The following ALK variants were observed in gnomAD, a reference collection of about 807,000 sequenced individuals.
The protein encoded by ALK is ALK tyrosine kinase receptor.
In ALK, 74 loss-of-function variants were observed where a neutral mutation model predicts 163.1. The ratio of observed to expected loss-of-function variants is 0.45; its 90% CI spans 0.38 to 0.55. The LOEUF is 0.55. Ranked by LOEUF, ALK falls within the 20% of genes least tolerant of loss-of-function variation. The pLI, the probability that ALK is intolerant of heterozygous loss-of-function variation, is 0.00. For missense variants in ALK, 2,063 were observed against 2,105.3 expected (o/e 0.98, Z 0.39); for synonymous variants, 960 against 843.2 (o/e 1.14, Z -2.40).
chr2:29,652,161 T>A (rs1293184692), intron 3 of ALK, among the ~76,000 whole-genome samples: 7 of 152,118 alleles, frequency 4.6e-5, no homozygotes, highest in African/African-American at 1.7e-4. Context: ...TTCATCTATA[T>A]TTTTTTAAAA....
chr2:29,486,019 C>T (rs149507459), intron 4 of ALK, among the ~76,000 whole-genome samples: 6 of 152,292 alleles, frequency 3.9e-5, no homozygotes, highest in South Asian at 2.1e-4. Context: ...CTGCTTCCCG[C>T]CCCAGAGCTC....
intron 3 of ALK, among the ~76,000 whole-genome samples, chr2:29,601,906 G>A (rs934562777): frequency 6.6e-6 from 1 of 152,018 alleles, no homozygotes; most frequent in Non-Finnish European, 1.5e-5. Context: ...TGTTCAAGCT[G>A]GACAGAGATA....
chr2:29,314,188 T>C (rs1666766997), intron 8 of ALK, among the ~76,000 whole-genome samples: 2 of 152,116 alleles, frequency 1.3e-5, no homozygotes, highest in African/African-American at 2.4e-5. Flanking sequence ...TGCCTTCGGG[T>C]GCCTTCCTTT....
intron 28 of ALK, among the ~76,000 whole-genome samples, chr2:29,196,175 C>G (rs1262104875): frequency 6.6e-6 from 1 of 152,130 alleles, no homozygotes; most frequent in East Asian, 1.9e-4. Context: ...CTCTTCAGGC[C>G]TTAACTCCTC....
At chr2:29,557,220 T>C (rs1673887178) in intron 3 of ALK, among the ~76,000 whole-genome samples, 1 of 152,196 alleles carries the variant, frequency 6.6e-6, no homozygotes. Context: ...CACTCTGAAA[T>C]TGAGACCTTG....
At chr2:29,385,510 C>T (rs1379513310) in intron 4 of ALK, among the ~76,000 whole-genome samples, 1 of 151,948 alleles carries the variant, frequency 6.6e-6, no homozygotes, top group Non-Finnish European at 1.5e-5. Flanking sequence ...CTACCTCAGC[C>T]TCCTGAGTAG....
chr2:29,670,012 G>T (rs554292259), intron 3 of ALK, among the ~76,000 whole-genome samples: 89 of 152,030 alleles, frequency 5.9e-4, no homozygotes, highest in South Asian at 3.5e-3. Context: ...TGACAGATTT[G>T]TCTTTTGGGC....
At chr2:29,206,300 C>T (rs145524143) in intron 26 of ALK, among the ~76,000 whole-genome samples, 6 of 151,228 alleles carry the variant, frequency 4.0e-5, no homozygotes, top group Non-Finnish European at 8.8e-5. Flanking sequence ...CTCTCTCCCC[C>T]TCTCTTGCTT....
At chr2:29,740,976 C>T (rs938209694) in intron 1 of ALK, among the ~76,000 whole-genome samples, 3 of 151,658 alleles carry the variant, frequency 2.0e-5, no homozygotes, top group African/African-American at 4.9e-5. Flanking sequence ...CATGCCAGCC[C>T]GGGTGACAGA....
At chr2:29,287,141 G>A (rs952719385) in intron 9 of ALK, among the ~76,000 whole-genome samples, 1 of 152,144 alleles carries the variant, frequency 6.6e-6, no homozygotes, top group Non-Finnish European at 1.5e-5. Flanking sequence ...TGTGCACCAT[G>A]TATTCTAGAG....
intron 11 of ALK, among the ~76,000 whole-genome samples, chr2:29,253,777 A>T (rs555245078): frequency 8.5e-5 from 13 of 152,124 alleles, no homozygotes; most frequent in Non-Finnish European, 1.8e-4. Flanking sequence ...TATCAATCAC[A>T]GGGCAGAAGC....
intron 1 of ALK, among the ~76,000 whole-genome samples, chr2:29,809,533 T>C (rs1344365944): frequency 6.6e-6 from 1 of 152,224 alleles, no homozygotes; most frequent in Non-Finnish European, 1.5e-5. Flanking sequence ...TTACTACTTT[T>C]ATCTCCGTGA....
At chr2:29,911,404 G>A (rs1384629997) in intron 1 of ALK, among the ~76,000 whole-genome samples, 1 of 152,204 alleles carries the variant, frequency 6.6e-6, no homozygotes, top group African/African-American at 2.4e-5. Context: ...AGTCCAAAGG[G>A]TATGGAGGGA....
chr2:29,646,461 T>C (rs1676878305), intron 3 of ALK, among the ~76,000 whole-genome samples: 1 of 152,156 alleles, frequency 6.6e-6, no homozygotes, highest in Non-Finnish European at 1.5e-5. Context: ...CATTAGAACA[T>C]GTTTTCCCTT....
chr2:29,826,407 A>G (rs1665200510), intron 1 of ALK, among the ~76,000 whole-genome samples: 1 of 152,010 alleles, frequency 6.6e-6, no homozygotes, highest in Admixed American at 6.6e-5. Flanking sequence ...GAGAATCATC[A>G]AAATATTCTG....
chr2:29,778,567 G>T (rs1454626548), intron 1 of ALK, among the ~76,000 whole-genome samples: 2 of 152,184 alleles, frequency 1.3e-5, no homozygotes, highest in Non-Finnish European at 2.9e-5. Flanking sequence ...ATGCATGTGT[G>T]CAAGTGTGTG....
In ALK at chr2:29,603,748, G is replaced by A. The variant is rs574315529; in HGVS notation, c.953-71632C>T. ...TCAGTCTCTCTGGAAACATCCTGAA[G>A]CACTGGTAGGTCAGTGATGAAGGAT... On this transcript the variant is annotated intron_variant, in intron 3 of 28. Coordinates refer to ENST00000389048, the MANE Select transcript of ALK (RefSeq NM_004304.5). Among the ~76,000 whole-genome samples, 4 of 152,252 alleles carry A rather than the reference G, an allele frequency of 2.6e-5. No homozygotes were observed. The East Asian group carries it at 7.7e-4, about 29-fold the overall frequency.
chr2:29,676,697 G>C (rs1253810784), intron 3 of ALK, among the ~76,000 whole-genome samples: 1 of 152,064 alleles, frequency 6.6e-6, no homozygotes, highest in East Asian at 1.9e-4. Flanking sequence ...AATTTTGATA[G>C]CAATTACATT....
intron 24 of ALK, among the ~76,000 whole-genome samples, chr2:29,210,336 G>A (rs1027159681): frequency 1.5e-4 from 23 of 152,294 alleles, no homozygotes; most frequent in African/African-American, 5.1e-4. Context: ...TACAAACCAC[G>A]GGCTGGTTTC....
Sources: gnomAD v4.1 joint callset for allele counts (sites outside exome capture counted in the v4.1 genomes callset) on GRCh38, gnomAD v4.1.1 for gene constraint, MANE v1.5 for transcripts, NCBI Gene and HGNC (gene_info 2026-07-23, HGNC 2026-07-21) for gene names.